The following GPRC5A variants were observed in gnomAD, a reference collection of about 807,000 sequenced individuals.
The protein encoded by GPRC5A is G protein-coupled receptor class C group 5 member A.
Under a neutral mutation model 22.5 loss-of-function variants are expected in GPRC5A, and 19 were observed. The ratio of observed to expected loss-of-function variants is 0.85; its 90% CI spans 0.59 to 1.24. The LOEUF (loss-of-function observed/expected upper bound fraction) is 1.24, where lower values mean the gene tolerates loss of function less well. GPRC5A is among the 50% of genes most tolerant of loss of function. GPRC5A has a pLI of 0.00. For missense variants in GPRC5A, 471 were observed against 451.1 expected, an observed-to-expected ratio of 1.04 and a Z score of -0.40; for synonymous variants, 192 against 184.5, an observed-to-expected ratio of 1.04 and a Z score of -0.33.
intron 1 of GPRC5A, among the ~76,000 whole-genome samples, chr12:12,903,284 T>G (rs1469939335): frequency 1.3e-5 from 2 of 152,132 alleles, no homozygotes; most frequent in Non-Finnish European, 2.9e-5. Context: ...TTTTTAATTT[T>G]TAATTTTTTA....
chr12:12,900,495 G>C (rs1428071366), intron 1 of GPRC5A, among the ~76,000 whole-genome samples: 1 of 152,172 alleles, frequency 6.6e-6, no homozygotes, highest in Non-Finnish European at 1.5e-5. Context: ...GGAACAGAGG[G>C]CTTGGAGTTG....
intron 2 of GPRC5A, among the ~76,000 whole-genome samples, chr12:12,910,362 A>C (rs1183945777): frequency 6.6e-6 from 1 of 151,644 alleles, no homozygotes; most frequent in Non-Finnish European, 1.5e-5. Flanking sequence ...TCACTCCATC[A>C]CCTCACTCCT....
At position 12,908,565 on chromosome 12, in the gene GPRC5A, T is replaced by C. The variant is rs1863967656; in HGVS notation, c.316T>C (p.Ser106Pro). The C allele has an allele frequency of 1.9e-6, 3 of 1,614,140 alleles. No homozygotes were observed. The South Asian group carries it at 3.3e-5, about 18-fold the overall frequency. The change falls in exon 2 of 4, where the codon TCC (serine) becomes CCC (proline). Residue 106 changes from serine to proline, a missense_variant. Ser to Pro is a moderately conservative substitution (Grantham distance 74). Coordinates refer to ENST00000014914, the MANE Select transcript of GPRC5A (RefSeq NM_003979.4). Reference sequence around the variant, plus strand: ...CTTCTTCCTCTTTGGGATCCTCTTTTCCATCTGCTTCTCCTGCCTGCTGGC... The same window carrying C: ...CTTCTTCCTCTTTGGGATCCTCTTTCCCATCTGCTTCTCCTGCCTGCTGGC... The part of the protein sequence containing the change: ...TRFFLFGILF[S>P]ICFSCLLAHA...
rs756416857 is a variant in GPRC5A, at chr12:12,900,891, CAAAAA to C, written c.-7-7334_-7-7330del. 1.8e-4 allele frequency among the ~76,000 whole-genome samples: 4 copies of C among 21,662 alleles called. No individual in the cohort carries two copies. The East Asian group carries it at 2.2e-3, about 12-fold the overall frequency. The allele number at this position is 21,662 out of a possible 152,430, so 14.2% of individuals were successfully genotyped here. ...GGCAACAAGAGTAAAAACTCCGTCT[CAAAAA>C]AAAAAAAAAAAAAAAAACAAAAAAA... On this transcript the variant is annotated intron_variant, in intron 1 of 3. Transcript: ENST00000014914.
chr12:12,913,958 G>A lies in GPRC5A; in HGVS notation c.*1419G>A, dbSNP rs1864032877. ...GAGGAGAGCTCAAAGCCGGTTTCAT[G>A]TTTCACCCAAGGTCTAATTGTGGGA... On this transcript the variant is annotated 3_prime_UTR_variant, in exon 4 of 4. Coordinates refer to ENST00000014914, the MANE Select transcript of GPRC5A (RefSeq NM_003979.4). The A allele has an allele frequency of 6.6e-6, 1 of 152,156 alleles. No homozygotes were observed. Among genetic ancestry groups the A allele is most frequent in the Non-Finnish European group, 1.5e-5 (1 of 68,028 alleles). The allele number at this position is 152,156 out of a possible 1,614,324, so 9.4% of individuals were successfully genotyped here.
chr12:12,914,549 C>CTTCTTTCTTTCTT lies in GPRC5A; in HGVS notation c.*2012_*2024dup. The CTTCTTTCTTTCTT allele has an allele frequency of 2.0e-5, 1 of 50,532 alleles. No individual in the cohort carries two copies. The highest frequency in any genetic ancestry group is 3.5e-5 in the Non-Finnish European group (1 of 28,472). The allele number at this position is 50,532 out of a possible 1,614,324, so 3.1% of individuals were successfully genotyped here. A position where few individuals can be genotyped will look rare whatever the true frequency, so the allele number is the denominator to read the frequency against. ...CTCTCTTTCCTTCCTTCCTTCCTTT[C>CTTCTTTCTTTCTT]TTCTTTCTTTCTTTCTTTCTTTCTT... On this transcript the variant is annotated 3_prime_UTR_variant, in exon 4 of 4. Coordinates refer to ENST00000014914, the MANE Select transcript of GPRC5A (RefSeq NM_003979.4).
intron 1 of GPRC5A, among the ~76,000 whole-genome samples, chr12:12,892,931 C>A (rs1335442962): frequency 6.6e-6 from 1 of 152,128 alleles, no homozygotes; most frequent in Non-Finnish European, 1.5e-5. Context: ...GGCACACACC[C>A]TCCAGGTTTG....
At position 12,912,670 on chromosome 12, in the gene GPRC5A, C is replaced by A; in HGVS notation, c.*131C>A. ...CTACGGGAACAGTTTGCCTCCCTCC[C>A]AGCCTCAACCACAATTCTTCCATGC... On this transcript the variant is annotated 3_prime_UTR_variant, in exon 4 of 4. Transcript: ENST00000014914. 1.6e-6 allele frequency: 1 copy of A among 634,570 alleles called. No individual in the cohort carries two copies. The highest frequency in any genetic ancestry group is 2.7e-5 in the East Asian group (1 of 37,306). 39.3% of individuals were successfully genotyped at this position (634,570 alleles called of 1,614,324 possible). A position where few individuals can be genotyped will look rare whatever the true frequency, so the allele number is the denominator to read the frequency against.
intron 1 of GPRC5A, among the ~76,000 whole-genome samples, chr12:12,893,330 A>G (rs1364102454): frequency 6.6e-6 from 1 of 152,220 alleles, no homozygotes; most frequent in Non-Finnish European, 1.5e-5. Context: ...CGAAGACAAC[A>G]GGGTATGAAG....
At chr12:12,911,499 T>G (rs1439848809) in intron 2 of GPRC5A, among the ~76,000 whole-genome samples, 1 of 151,810 alleles carries the variant, frequency 6.6e-6, no homozygotes, top group Non-Finnish European at 1.5e-5. Flanking sequence ...TTTTTTTTTT[T>G]TTTGTTTGAG....
At chr12:12,912,341 G>A in intron 3 of GPRC5A, 106 bp from the exon 4 acceptor site, 1 of 880,232 alleles carries the variant, frequency 1.1e-6, no homozygotes, top group Non-Finnish European at 1.9e-6. Context: ...TTGGGGGTGG[G>A]AGGCCTGGGA....
intron 1 of GPRC5A, among the ~76,000 whole-genome samples, chr12:12,901,819 G>C (rs1229556365): frequency 6.6e-6 from 1 of 151,012 alleles, no homozygotes; most frequent in Admixed American, 6.6e-5. Context: ...GTCAAGTGAA[G>C]GGTGGGGTCC....
chr12:12,901,615 G>A (rs1863887577), intron 1 of GPRC5A, among the ~76,000 whole-genome samples: 1 of 152,070 alleles, frequency 6.6e-6, no homozygotes, highest in East Asian at 1.9e-4. Flanking sequence ...AACGTTTAAT[G>A]ACTCAGTCTC....
In GPRC5A at chr12:12,915,017, A is replaced by ATTT. The variant is rs60735966; in HGVS notation, c.*2497_*2499dup. 4.6e-3 allele frequency: 502 copies of ATTT among 108,654 alleles called. 17 individuals are homozygous for ATTT. Among genetic ancestry groups the ATTT allele is most frequent in the South Asian group, 0.029 (92 of 3,202 alleles). The allele number at this position is 108,654 out of a possible 1,614,324, so 6.7% of individuals were successfully genotyped here. A position where few individuals can be genotyped will look rare whatever the true frequency, so the allele number is the denominator to read the frequency against. ...AAATCACAAAATACTCTGGATCGGCATTTTTTTTTTTTTTTTTTTTTGAGA... is the reference window on the plus strand; with the variant it reads ...AAATCACAAAATACTCTGGATCGGCATTTTTTTTTTTTTTTTTTTTTTTTGAGA... On this transcript the variant is annotated 3_prime_UTR_variant, in exon 4 of 4. Transcript: ENST00000014914.
intron 1 of GPRC5A, among the ~76,000 whole-genome samples, chr12:12,907,866 A>T (rs931306830): frequency 2.6e-5 from 4 of 152,166 alleles, no homozygotes; most frequent in Admixed American, 2.0e-4. Flanking sequence ...AGAGCAAATG[A>T]TCCTCCTGCT....
In GPRC5A at chr12:12,908,642, G is replaced by C. The variant is rs922122957; in HGVS notation, c.393G>C (p.Leu131=). The C allele has an allele frequency of 4.3e-6, 7 of 1,613,976 alleles. No individual in the cohort carries two copies. In the South Asian group the frequency reaches 7.7e-5, roughly 18 times the overall value. The change falls in exon 2 of 4, where the codon CTG becomes CTC. Residue 131 remains leucine, a synonymous_variant. Coordinates refer to ENST00000014914, the MANE Select transcript of GPRC5A (RefSeq NM_003979.4). Reference sequence around the variant, plus strand: ...TCCGGGGGAGGAAGCCCCTTTCCCTGTTGGTGATTCTGGGTCTGGCCGTGG... The same window carrying C: ...TCCGGGGGAGGAAGCCCCTTTCCCTCTTGGTGATTCTGGGTCTGGCCGTGG... The part of the protein sequence containing the change: ...KLVRGRKPLS[L]LVILGLAVGF...
At chr12:12,907,481 A>C (rs762103140) in intron 1 of GPRC5A, among the ~76,000 whole-genome samples, 46 of 152,038 alleles carry the variant, frequency 3.0e-4, no homozygotes, top group Non-Finnish European at 5.3e-4. Context: ...GGATGCTTAC[A>C]AATGATAACT....
At chr12:12,912,287 C>T (rs939640843) in intron 3 of GPRC5A, 145 bp downstream of exon 3, 1 of 861,846 alleles carries the variant, frequency 1.2e-6, no homozygotes. Flanking sequence ...TAAGCGGCCT[C>T]ACGGGGTTAG....
chr12:12,909,271 T>C (rs1863979422), intron 2 of GPRC5A, 100 bp downstream of exon 2: 1 of 857,824 alleles, frequency 1.2e-6, no homozygotes, highest in Non-Finnish European at 1.8e-6. Flanking sequence ...TTTTCCAGAT[T>C]ATACCCTTGA....
Sources: allele counts gnomAD v4.1 joint callset (sites outside exome capture counted in the v4.1 genomes callset), GRCh38; gene constraint gnomAD v4.1.1; transcripts MANE v1.5; gene names NCBI Gene and HGNC (gene_info 2026-07-23, HGNC 2026-07-21).